DNAAF9: variants seen among roughly 807,000 people sequenced by gnomAD.
DNAAF9 encodes the protein dynein axonemal assembly factor 9, also known as shulin.
In DNAAF9, 90 loss-of-function variants were observed where a neutral mutation model predicts 167.0. That is an observed-to-expected ratio of 0.54 (90% CI 0.45 to 0.64). The LOEUF (loss-of-function observed/expected upper bound fraction) is 0.64, where lower values mean the gene tolerates loss of function less well. Ranked by LOEUF, DNAAF9 falls within the 30% of genes least tolerant of loss-of-function variation. The pLI is 0.00. For missense variants in DNAAF9, 1,315 were observed against 1,442.2 expected, an observed-to-expected ratio of 0.91 and a Z score of 1.43; for synonymous variants, 491 against 508.8, an observed-to-expected ratio of 0.96 and a Z score of 0.47.
At chr20:3,339,063 T>C (rs545600131) in intron 10 of DNAAF9, among the ~76,000 whole-genome samples, 6 of 152,286 alleles carry the variant, frequency 3.9e-5, no homozygotes, top group African/African-American at 1.2e-4. Context: ...CATGGATATG[T>C]CTGCTCTACT....
At position 3,343,821 on chromosome 20, in the gene DNAAF9, G is replaced by T. The variant is rs948288266; in HGVS notation, c.790-90C>A. The T allele has an allele frequency of 7.5e-6, 7 of 936,098 alleles. No homozygotes were observed. The Admixed American group carries it at 1.3e-4, about 17-fold the overall frequency. 58.0% of individuals were successfully genotyped at this position (936,098 alleles called of 1,614,324 possible). ...CACATATGTATGTATGTACACACAT[G>T]CTTCAGGAGAGTGCACAGCGTGTGT... On this transcript the variant is annotated intron_variant, in intron 8 of 36. Coordinates refer to ENST00000252032, the MANE Select transcript of DNAAF9 (RefSeq NM_001009984.3).
chr20:3,268,896 A>ATTTTTTTT (rs1649924645), intron 30 of DNAAF9, among the ~76,000 whole-genome samples: 2 of 80,840 alleles, frequency 2.5e-5, no homozygotes, highest in African/African-American at 9.4e-5. Flanking sequence ...TCTCTATGTT[A>ATTTTTTTT]CTTTTTTTTT....
chr20:3,389,444 C>G (rs2083795669), intron 1 of DNAAF9, among the ~76,000 whole-genome samples: 1 of 151,832 alleles, frequency 6.6e-6, no homozygotes, highest in African/African-American at 2.4e-5. Context: ...GTCACTGCAC[C>G]TGGCCAATTT....
chr20:3,385,176 T>G (rs1358033783), intron 1 of DNAAF9, among the ~76,000 whole-genome samples: 2 of 151,764 alleles, frequency 1.3e-5, no homozygotes, highest in African/African-American at 4.8e-5. Context: ...GCATGTCTAC[T>G]CTCATTATTC....
At chr20:3,285,491 C>T (rs2122880594) in intron 27 of DNAAF9, among the ~76,000 whole-genome samples, 1 of 152,204 alleles carries the variant, frequency 6.6e-6, no homozygotes, top group South Asian at 2.1e-4. Flanking sequence ...CCAGCCTAAC[C>T]AAGATGGTGA....
chr20:3,285,073 CTT>C (rs1568577835), intron 27 of DNAAF9, among the ~76,000 whole-genome samples: 1 of 152,182 alleles, frequency 6.6e-6, no homozygotes, highest in African/African-American at 2.4e-5. Context: ...ATTTCTAAAA[CTT>C]TGTCATTTTA....
At chr20:3,397,708 C>A (rs1348061490) in intron 1 of DNAAF9, among the ~76,000 whole-genome samples, 1 of 73,132 alleles carries the variant, frequency 1.4e-5, no homozygotes, top group East Asian at 3.6e-4. Flanking sequence ...AAATTTTAAG[C>A]AGATTTTTTT....
chr20:3,284,173 CTTTTTTTTTTTTTTT>C (rs200633758), intron 27 of DNAAF9, among the ~76,000 whole-genome samples: 5 of 118,226 alleles, frequency 4.2e-5, no homozygotes, highest in African/African-American at 9.0e-5. Context: ...TTACTAGAGT[CTTTTTTTTTTTTTTT>C]TTTTTTTTTT....
chr20:3,404,408 C>A (rs1198862230), intron 1 of DNAAF9, among the ~76,000 whole-genome samples: 2 of 152,190 alleles, frequency 1.3e-5, no homozygotes, highest in Non-Finnish European at 2.9e-5. Flanking sequence ...TATTCTCCCA[C>A]CTCAGAGGTA....
At position 3,343,677 on chromosome 20, in the gene DNAAF9, T is replaced by A. The variant is rs775605082; in HGVS notation, c.844A>T (p.Ser282Cys). Reference sequence around the variant, plus strand: ...TTCTTCCCCAAGAAAGAAACTTACCTGTTTTCAGTTATATGGCTAGAGATC... The same window carrying A: ...TTCTTCCCCAAGAAAGAAACTTACCAGTTTTCAGTTATATGGCTAGAGATC... ...GMISSHITEN[S>C]PNRQPFVLFG... Residue 282 changes from serine to cysteine, a missense_variant and splice_region_variant, in exon 9 of 37, where the codon AGC becomes TGC. Physicochemically the swap from Ser to Cys is moderately radical, Grantham distance 112. Transcript: ENST00000252032. The A allele has an allele frequency of 6.2e-7, 1 of 1,609,600 alleles. No individual in the cohort carries two copies. The highest frequency in any genetic ancestry group is 2.2e-5 in the East Asian group (1 of 44,706).
intron 1 of DNAAF9, 21 bp from the exon 2 acceptor site, chr20:3,382,527 G>A: frequency 6.2e-7 from 1 of 1,605,632 alleles, no homozygotes; most frequent in Non-Finnish European, 8.5e-7. Context: ...AACAGAAAAT[G>A]GTCCCCTGAG....
At chr20:3,303,145 C>A (rs992851296) in intron 21 of DNAAF9, among the ~76,000 whole-genome samples, 1 of 151,424 alleles carries the variant, frequency 6.6e-6, no homozygotes, top group East Asian at 1.9e-4. Flanking sequence ...AGGAGGCTGA[C>A]GCGGGAGAAT....
At chr20:3,283,126 T>C (rs1424954674) in intron 27 of DNAAF9, among the ~76,000 whole-genome samples, 1 of 152,140 alleles carries the variant, frequency 6.6e-6, no homozygotes, top group African/African-American at 2.4e-5. Context: ...CCTCTTCACC[T>C]TGTAGAGGAG....
chr20:3,313,162 T>A (rs1158038262), intron 20 of DNAAF9, among the ~76,000 whole-genome samples: 2 of 152,222 alleles, frequency 1.3e-5, no homozygotes, highest in African/African-American at 4.8e-5. Flanking sequence ...GTGCCTACAA[T>A]CTGCTTTCAA....
chr20:3,278,167 ATGCAACC>A (rs1268155060), intron 29 of DNAAF9, among the ~76,000 whole-genome samples: 8 of 152,188 alleles, frequency 5.3e-5, no homozygotes, highest in African/African-American at 1.4e-4. Context: ...GCAAGGTTGA[ATGCAACC>A]TGCAGGATGG....
Position 3,376,259 on chromosome 20 carries a change from A to G in DNAAF9, c.327T>C (p.Cys109=). 2 of 1,613,136 alleles carry G rather than the reference A, an allele frequency of 1.2e-6. No individual in the cohort carries two copies. The highest frequency in any genetic ancestry group is 2.2e-5 in the South Asian group (2 of 91,028). Residue 109 remains cysteine, a synonymous_variant, in exon 4 of 37, where the codon TGT becomes TGC. Transcript: ENST00000252032. ...LIKSDSVHLY[C]NPVNFRYLLP... Reference sequence around the variant, plus strand: ...AGAGATAGCGAAAGTTTACAGGATTACAGTACAGATGGACGCTATCCGATT... The same window carrying G: ...AGAGATAGCGAAAGTTTACAGGATTGCAGTACAGATGGACGCTATCCGATT...
At chr20:3,357,679 T>C (rs906381234) in intron 7 of DNAAF9, among the ~76,000 whole-genome samples, 1 of 152,112 alleles carries the variant, frequency 6.6e-6, no homozygotes, top group Admixed American at 6.6e-5. Context: ...TATATCTTTA[T>C]TACTTAATTT....
intron 1 of DNAAF9, among the ~76,000 whole-genome samples, chr20:3,390,823 T>C (rs928330693): frequency 6.6e-6 from 1 of 152,180 alleles, no homozygotes; most frequent in Non-Finnish European, 1.5e-5. Context: ...CTCTCCCCAC[T>C]TTTTCATGTT....
intron 10 of DNAAF9, among the ~76,000 whole-genome samples, chr20:3,334,775 T>C (rs562690714): frequency 3.2e-4 from 48 of 152,364 alleles, no homozygotes; most frequent in African/African-American, 1.1e-3. Context: ...ATCTAAATTA[T>C]TGCTCCAAAC....
Sources: gnomAD v4.1 joint callset for allele counts (sites outside exome capture counted in the v4.1 genomes callset) on GRCh38, gnomAD v4.1.1 for gene constraint, MANE v1.5 for transcripts, NCBI Gene and HGNC (gene_info 2026-07-23, HGNC 2026-07-21) for gene names.